The following MFSD1 variants were observed in gnomAD, a reference collection of about 807,000 sequenced individuals.
MFSD1 encodes the protein major facilitator superfamily domain containing 1.
Under a neutral mutation model 67.1 loss-of-function variants are expected in MFSD1, and 59 were observed. That is an observed-to-expected ratio of 0.88 (90% CI 0.71 to 1.09). The LOEUF (loss-of-function observed/expected upper bound fraction) is 1.09. MFSD1 is among the 50% of genes least tolerant of loss of function. The probability of loss-of-function intolerance (pLI) is 0.00; values close to 1 mark genes in which losing one functional copy is unlikely to be tolerated. For synonymous variants in MFSD1, 213 were observed against 200.3 expected (o/e 1.06, Z -0.54); for missense variants, 552 against 566.1 (o/e 0.97, Z 0.25).
intron 1 of MFSD1, chr3:158,802,603 G>A (rs1269021900): frequency 3.0e-6 from 2 of 674,198 alleles, no homozygotes; most frequent in Non-Finnish European, 2.7e-6. Context: ...CCCTAGAGGC[G>A]ATAGATATGA....
intron 7 of MFSD1, among the ~76,000 whole-genome samples, chr3:158,817,412 A>G (rs547327326): frequency 6.6e-6 from 1 of 152,346 alleles, no homozygotes; most frequent in Non-Finnish European, 1.5e-5. Context: ...CTCAGGATAC[A>G]AAATCAATGT....
At chr3:158,823,828 G>A (rs1559924296) in intron 12 of MFSD1, among the ~76,000 whole-genome samples, 1 of 152,178 alleles carries the variant, frequency 6.6e-6, no homozygotes, top group Non-Finnish European at 1.5e-5. Flanking sequence ...GAAAGGCAGA[G>A]GGGGGAAACC....
At chr3:158,817,873 T>C (rs528934185) in intron 7 of MFSD1, among the ~76,000 whole-genome samples, 36 of 152,350 alleles carry the variant, frequency 2.4e-4, no homozygotes, top group African/African-American at 7.2e-4. Flanking sequence ...AATTACCTCC[T>C]GTTCAATTTC....
intron 6 of MFSD1, among the ~76,000 whole-genome samples, chr3:158,809,945 T>C (rs1407396929): frequency 1.1e-4 from 17 of 152,214 alleles, no homozygotes; most frequent in Admixed American, 1.0e-3. Flanking sequence ...GTACTCCTGT[T>C]GGCATTTGGA....
chr3:158,828,939 T>C, intron 15 of MFSD1, 40 bp from the exon 16 acceptor site: 2 of 1,591,828 alleles, frequency 1.3e-6, no homozygotes, highest in Non-Finnish European at 8.5e-7. Context: ...TTCATGTTTT[T>C]TTCTTCCTCT....
chr3:158,804,231 AT>A, intron 1 of MFSD1, 87 bp from the exon 2 acceptor site: 1 of 871,868 alleles, frequency 1.1e-6, no homozygotes, highest in South Asian at 1.6e-5. Context: ...TAGTATCAGC[AT>A]TTAAAATTGT....
intron 6 of MFSD1, 65 bp downstream of exon 6, chr3:158,809,352 T>G: frequency 9.5e-7 from 1 of 1,050,914 alleles, no homozygotes; most frequent in Non-Finnish European, 1.4e-6. Flanking sequence ...ATAGTTCTCT[T>G]AAAAATCACA....
chr3:158,813,827 C>A, intron 6 of MFSD1, 138 bp from the exon 7 acceptor site: 33 of 232,666 alleles, frequency 1.4e-4, no homozygotes, highest in Non-Finnish European at 1.4e-4. Flanking sequence ...TCAATTTTTT[C>A]TTGTAGTGTC....
chr3:158,824,969 G>C (rs910319281), intron 13 of MFSD1, among the ~76,000 whole-genome samples: 15 of 152,078 alleles, frequency 9.9e-5, no homozygotes, highest in Non-Finnish European at 2.2e-4. Flanking sequence ...AAACAAGGAC[G>C]TCAAGTTTTA....
intron 3 of MFSD1, among the ~76,000 whole-genome samples, chr3:158,806,385 A>G (rs1022813675): frequency 6.6e-6 from 1 of 152,198 alleles, no homozygotes; most frequent in Non-Finnish European, 1.5e-5. Context: ...GCTAGAGAAC[A>G]TTGCTAGAGA....
chr3:158,826,338 C>T (rs2108238040), intron 14 of MFSD1, among the ~76,000 whole-genome samples: 1 of 151,992 alleles, frequency 6.6e-6, no homozygotes, highest in East Asian at 1.9e-4. Flanking sequence ...AGAAATATAG[C>T]ATTTAAAAAG....
chr3:158,806,030 A>G (rs2061617), intron 3 of MFSD1, among the ~76,000 whole-genome samples: 34,172 of 152,102 alleles, frequency 0.22, 4,019 homozygotes, highest in Middle Eastern at 0.32. Context: ...AAGGTTTGCC[A>G]CTGTTCATCC....
chr3:158,814,601 G>T (rs954279458), intron 7 of MFSD1, among the ~76,000 whole-genome samples: 6 of 152,084 alleles, frequency 3.9e-5, no homozygotes, highest in African/African-American at 1.2e-4. Context: ...GATTACAGGC[G>T]TGAGCCACCG....
chr3:158,817,070 G>A (rs1251892722), intron 7 of MFSD1, among the ~76,000 whole-genome samples: 1 of 152,138 alleles, frequency 6.6e-6, no homozygotes. Flanking sequence ...AGTATAGTTT[G>A]AAGTCAGGTA....
chr3:158,803,062 A>G (rs1559913415), intron 1 of MFSD1, among the ~76,000 whole-genome samples: 1 of 152,194 alleles, frequency 6.6e-6, no homozygotes, highest in Non-Finnish European at 1.5e-5. Flanking sequence ...AAGCAATCAT[A>G]TTGGACGGGA....
chr3:158,822,007 C>T lies in MFSD1; in HGVS notation c.944C>T (p.Pro315Leu), dbSNP rs1225138029. 5 of 1,613,768 alleles carry T rather than the reference C, an allele frequency of 3.1e-6. No homozygotes were observed. In the South Asian group the frequency reaches 3.3e-5, roughly 11 times the overall value. ...AGTGTTGTATATGTCATATCAGCTC[C>T]CATGTCCCCGGTGTTTGGGCTCCTG... Reference protein sequence around the residue: ...INSVVYVISAPMSPVFGLLVD... With the variant: ...INSVVYVISALMSPVFGLLVD... Residue 315 changes from proline (P) to leucine (L), a missense_variant, in exon 11 of 16, where the codon CCC becomes CTC. Coordinates refer to ENST00000415822, the MANE Select transcript of MFSD1 (RefSeq NM_022736.4).
intron 6 of MFSD1, among the ~76,000 whole-genome samples, chr3:158,810,776 A>G (rs964907829): frequency 6.6e-6 from 1 of 152,194 alleles, no homozygotes; most frequent in Non-Finnish European, 1.5e-5. Context: ...ACTTTTAGAA[A>G]ATTACTTTAT....
rs1403880793 is a variant in MFSD1 at position 158,829,610 on chromosome 3, G to C, written c.*628G>C. The C allele has an allele frequency of 6.6e-6, 1 of 152,120 alleles. No homozygotes were observed. The highest frequency in any genetic ancestry group is 2.4e-5 in the African/African-American group (1 of 41,422). The allele number at this position is 152,120 out of a possible 1,614,324, so 9.4% of individuals were successfully genotyped here. A position where few individuals can be genotyped will look rare whatever the true frequency, so the allele number is the denominator to read the frequency against. Reference sequence around the variant, plus strand: ...AATCACTTAGGGATGTAATTTTATAGTATAAACTTTCTGTACAGTTTTTCT... The same window carrying C: ...AATCACTTAGGGATGTAATTTTATACTATAAACTTTCTGTACAGTTTTTCT... On this transcript the variant is annotated 3_prime_UTR_variant, in exon 16 of 16. Coordinates refer to ENST00000415822, the MANE Select transcript of MFSD1 (RefSeq NM_022736.4).
intron 7 of MFSD1, among the ~76,000 whole-genome samples, chr3:158,817,048 C>G (rs557723854): frequency 1.4e-4 from 22 of 152,286 alleles, no homozygotes; most frequent in Non-Finnish European, 2.8e-4. Context: ...GTTTTGGTTA[C>G]TGTAGCCTTG....
Sources: allele counts gnomAD v4.1 joint callset (sites outside exome capture counted in the v4.1 genomes callset), GRCh38; gene constraint gnomAD v4.1.1; transcripts MANE v1.5; gene names NCBI Gene and HGNC (gene_info 2026-07-23, HGNC 2026-07-21).